Variants in SHOX observed in about 807,000 individuals in gnomAD.
SHOX encodes the protein SHOX homeobox, also known as short stature homeobox protein.
In SHOX, 12 loss-of-function variants were observed where a neutral mutation model predicts 29.6. The ratio of observed to expected loss-of-function variants is 0.41; its 90% CI spans 0.26 to 0.66. SHOX has a LOEUF of 0.66. SHOX is among the 30% of genes least tolerant of loss of function. The pLI, the probability that SHOX is intolerant of heterozygous loss-of-function variation, is 0.35. For missense variants in SHOX, 499 were observed against 437.7 expected, an observed-to-expected ratio of 1.14 and a Z score of -1.25; for synonymous variants, 214 against 200.6, an observed-to-expected ratio of 1.07 and a Z score of -0.57.
upstream of SHOX, among the ~76,000 whole-genome samples, chrX:629,491 TTCTC>T (rs935869332): frequency 7.8e-6 from 1 of 128,642 alleles, no homozygotes; most frequent in Non-Finnish European, 1.7e-5. Flanking sequence ...GTCTCTCTCT[TTCTC>T]TCTCTCTCTC....
upstream of SHOX, among the ~76,000 whole-genome samples, chrX:626,536 A>C (rs1415369898): frequency 3.3e-3 from 44 of 13,210 alleles, no homozygotes; most frequent in Admixed American, 5.4e-3. Flanking sequence ...CTGTGTCTCT[A>C]CCTCTGTCTC....
chrX:657,211 G>A (rs1421532045), intron 5 of SHOX, among the ~76,000 whole-genome samples: 5 of 152,140 alleles, frequency 3.3e-5, no homozygotes, highest in South Asian at 2.1e-4. Flanking sequence ...TCAGTGCATC[G>A]TGCAGTGACC....
downstream of SHOX, among the ~76,000 whole-genome samples, chrX:655,626 A>C (rs1439513401): frequency 2.8e-3 from 84 of 30,084 alleles, no homozygotes; most frequent in East Asian, 0.012. Flanking sequence ...ATATATATAT[A>C]TATATATATA....
upstream of SHOX, chrX:630,548 C>A: frequency 2.3e-6 from 1 of 440,198 alleles, no homozygotes; most frequent in Non-Finnish European, 4.1e-6. Flanking sequence ...GCGCCCCCCT[C>A]CTGCGCGCGC....
Position 648,410 on chromosome X carries a change from A to G in SHOX, c.*3774A>G, listed in dbSNP as rs28661817. ...TGGGTAATTTTTTTGCATTTTTGGT[A>G]GAGACAGGTTTTTGCTGTGTTGGCC... On this transcript the variant is annotated 3_prime_UTR_variant, in exon 5 of 5. Transcript: ENST00000686671. 0.29 allele frequency among the ~76,000 whole-genome samples: 44,518 copies of G among 151,686 alleles called. 6,908 individuals are homozygous for G. Among genetic ancestry groups the G allele is most frequent in the Non-Finnish European group, 0.35 (23,659 of 67,786 alleles).
intron 4 of SHOX, among the ~76,000 whole-genome samples, chrX:642,185 G>C (rs1405672747): frequency 6.6e-6 from 1 of 152,128 alleles, no homozygotes; most frequent in African/African-American, 2.4e-5. Flanking sequence ...AGGAGAGAGC[G>C]CAGCGCCCAC....
intron 4 of SHOX, among the ~76,000 whole-genome samples, chrX:641,427 G>A (rs917565842): frequency 2.0e-5 from 3 of 151,976 alleles, no homozygotes; most frequent in African/African-American, 7.2e-5. Context: ...GGTGGCTCAC[G>A]CCTGTCATCC....
rs2052933109 is a variant in SHOX, at chrX:644,723, A to AT, written c.*87_*88insT. 2.2e-6 allele frequency: 3 copies of AT among 1,336,630 alleles called. No homozygotes were observed. Among genetic ancestry groups the AT allele is most frequent in the Non-Finnish European group, 2.9e-6 (3 of 1,049,684 alleles). 82.8% of individuals were successfully genotyped at this position (1,336,630 alleles called of 1,614,324 possible). A position where few individuals can be genotyped will look rare whatever the true frequency, so the allele number is the denominator to read the frequency against. ...GCGTCCTGCACTCAACCCCGCCTGGAGCTCCTTCCGCGGCCACCGTGCTCC... is the reference window on the plus strand; with the variant it reads ...GCGTCCTGCACTCAACCCCGCCTGGATGCTCCTTCCGCGGCCACCGTGCTCC... On this transcript the variant is annotated 3_prime_UTR_variant, in exon 5 of 5. Coordinates refer to ENST00000686671, the MANE Select transcript of SHOX (RefSeq NM_000451.4).
intron 5 of SHOX, among the ~76,000 whole-genome samples, chrX:658,179 T>C (rs1259814950): frequency 6.6e-6 from 1 of 152,008 alleles, no homozygotes; most frequent in Non-Finnish European, 1.5e-5. Flanking sequence ...TTTACCATGT[T>C]GGCCAGGCTG....
chrX:626,950 C>G (rs1341554222), upstream of SHOX, among the ~76,000 whole-genome samples: 2 of 151,256 alleles, frequency 1.3e-5, no homozygotes, highest in African/African-American at 2.4e-5. Flanking sequence ...CTCTCTTTTT[C>G]TCTCTCTGTC....
rs1427644558 is a variant in SHOX at position 646,385 on chromosome X, C to T, written c.*1749C>T. On this transcript the variant is annotated 3_prime_UTR_variant, in exon 5 of 5. Transcript: ENST00000686671. ...ATTGGCATTAGTTACCACAGCCTGC[C>T]CAGAGAGAAACTATCTTCTCCCAAC... 1 of 151,684 alleles carries T rather than the reference C, an allele frequency of 6.6e-6. No individual in the cohort carries two copies. Among genetic ancestry groups the T allele is most frequent in the Non-Finnish European group, 1.5e-5 (1 of 67,966 alleles). The allele number at this position is 151,684 out of a possible 1,614,324, so 9.4% of individuals were successfully genotyped here. A position where few individuals can be genotyped will look rare whatever the true frequency, so the allele number is the denominator to read the frequency against.
intron 2 of SHOX, among the ~76,000 whole-genome samples, chrX:638,654 G>C (rs1474119084): frequency 6.6e-6 from 1 of 152,234 alleles, no homozygotes; most frequent in African/African-American, 2.4e-5. Context: ...GGAAGCTTCC[G>C]TGTTGGGTTC....
intron 2 of SHOX, among the ~76,000 whole-genome samples, chrX:639,796 G>A (rs1265293234): frequency 6.6e-6 from 1 of 151,898 alleles, no homozygotes; most frequent in African/African-American, 2.4e-5. Flanking sequence ...GAGGTCAGGA[G>A]TTTGAGACCA....
At chrX:643,956 G>A (rs2052914697) in intron 4 of SHOX, among the ~76,000 whole-genome samples, 1 of 144,044 alleles carries the variant, frequency 6.9e-6, no homozygotes, top group Non-Finnish European at 1.5e-5. Context: ...GAGAGGCTTG[G>A]GGACCTGGTG....
At chrX:634,501 C>A in intron 1 of SHOX, 117 bp from the exon 2 acceptor site, 1 of 1,116,560 alleles carries the variant, frequency 9.0e-7, no homozygotes. Context: ...GCAGTTTTTG[C>A]GTCAAAGCGC....
chrX:626,732 GTCTC>G (rs1389015335), upstream of SHOX, among the ~76,000 whole-genome samples: 3 of 137,124 alleles, frequency 2.2e-5, no homozygotes, highest in Admixed American at 7.4e-5. Flanking sequence ...CTTTTTCTCT[GTCTC>G]TCTCTGTGTC....
intron 1 of SHOX, among the ~76,000 whole-genome samples, chrX:634,187 C>A (rs1424611971): frequency 1.3e-5 from 2 of 152,206 alleles, no homozygotes; most frequent in African/African-American, 2.4e-5. Context: ...GGGATAGCGT[C>A]TCTCCGTAGG....
chrX:644,656 C>G lies in SHOX; in HGVS notation c.*20C>G. 1.4e-6 allele frequency: 2 copies of G among 1,436,490 alleles called. No individual in the cohort carries two copies. The highest frequency in any genetic ancestry group is 1.4e-5 in the South Asian group (1 of 70,100). 89.0% of individuals were successfully genotyped at this position (1,436,490 alleles called of 1,614,324 possible). ...CTCTGACCCGCCGCGCAGCCCCCCG[C>G]GCGCCCGGACTCCCGGGCTCCGCGC... On this transcript the variant is annotated 3_prime_UTR_variant, in exon 5 of 5. Coordinates refer to ENST00000686671, the MANE Select transcript of SHOX (RefSeq NM_000451.4).
At chrX:635,121 G>C (rs1390156068) in intron 2 of SHOX, among the ~76,000 whole-genome samples, 4 of 151,988 alleles carry the variant, frequency 2.6e-5, no homozygotes, top group African/African-American at 4.8e-5. Context: ...ATATATTATA[G>C]ATATTTGTTC....
Sources: allele counts gnomAD v4.1 joint callset (sites outside exome capture counted in the v4.1 genomes callset), GRCh38; gene constraint gnomAD v4.1.1; transcripts MANE v1.5; gene names NCBI Gene and HGNC (gene_info 2026-07-23, HGNC 2026-07-21).